FGD4: variants seen among roughly 807,000 people sequenced by gnomAD.
FGD4 encodes FYVE, RhoGEF and PH domain containing 4, also known as FYVE, RhoGEF and PH domain-containing protein 4.
In FGD4, 42 loss-of-function variants were observed where a neutral mutation model predicts 102.0. That is an observed-to-expected ratio of 0.41 (90% CI 0.32 to 0.53). The LOEUF (loss-of-function observed/expected upper bound fraction) is 0.53. FGD4 is among the 20% of genes least tolerant of loss of function. FGD4 has a pLI of 0.21. For synonymous variants in FGD4, 380 were observed against 375.7 expected (o/e 1.01, Z -0.13); for missense variants, 902 against 1,078.2 (o/e 0.84, Z 2.29).
intron 1 of FGD4, among the ~76,000 whole-genome samples, chr12:32,441,715 C>G (rs1342872017): frequency 6.6e-6 from 1 of 152,058 alleles, no homozygotes; most frequent in Non-Finnish European, 1.5e-5. Context: ...GGGCCTAGTT[C>G]AGCCCTAGGA....
In FGD4 at chr12:32,586,700, G is replaced by A. The variant is rs12299552; in HGVS notation, c.1011+4233G>A. Among the ~76,000 whole-genome samples the A allele has an allele frequency of 7.7e-3, 1,170 of 152,316 alleles. 17 individuals are homozygous for A. Among genetic ancestry groups the A allele is most frequent in the African/African-American group, 0.025 (1,046 of 41,566 alleles). On this transcript the variant is annotated intron_variant, in intron 4 of 16. Coordinates refer to ENST00000534526, the MANE Select transcript of FGD4 (RefSeq NM_001370298.3). ...GATGAAGCAGAGGGTGAGAGACAAG[G>A]AAGATTCTGAGGACCTTGTGGCTAG...
intron 11 of FGD4, among the ~76,000 whole-genome samples, chr12:32,620,520 C>CTTTCTTTCTTTCTTTTTT (rs1949747434): frequency 1.1e-5 from 1 of 91,136 alleles, no homozygotes; most frequent in African/African-American, 4.6e-5. Flanking sequence ...TTTTTTCTTT[C>CTTTCTTTCTTTCTTTTTT]TTTTTTTTTT....
At chr12:32,487,525 C>T (rs1943947001) in intron 1 of FGD4, among the ~76,000 whole-genome samples, 1 of 148,602 alleles carries the variant, frequency 6.7e-6, no homozygotes, top group African/African-American at 2.5e-5. Context: ...CCTCTGCCTC[C>T]TGGATTTCAG....
chr12:32,601,845 G>A (rs533904153), intron 6 of FGD4, among the ~76,000 whole-genome samples: 2 of 152,316 alleles, frequency 1.3e-5, no homozygotes, highest in East Asian at 3.9e-4. Flanking sequence ...GGTGGCTCAT[G>A]CCTATAATCC....
intron 1 of FGD4, among the ~76,000 whole-genome samples, chr12:32,490,071 C>T (rs1374896338): frequency 6.6e-6 from 1 of 152,088 alleles, no homozygotes; most frequent in Non-Finnish European, 1.5e-5. Flanking sequence ...TTTCCAGAAG[C>T]TTTACTATTT....
chr12:32,613,138 A>G (rs149908827), intron 10 of FGD4, among the ~76,000 whole-genome samples: 211 of 152,362 alleles, frequency 1.4e-3, no homozygotes, highest in African/African-American at 5.0e-3. Flanking sequence ...GGTGACTGGC[A>G]TACAGTACGT....
chr12:32,531,220 A>T (rs537449230), intron 1 of FGD4, among the ~76,000 whole-genome samples: 1 of 152,048 alleles, frequency 6.6e-6, no homozygotes, highest in South Asian at 2.1e-4. Flanking sequence ...AAGTGCTGGG[A>T]TTATAGCTGT....
intron 1 of FGD4, among the ~76,000 whole-genome samples, chr12:32,448,587 G>A (rs1942686241): frequency 1.3e-5 from 2 of 151,624 alleles, no homozygotes; most frequent in Non-Finnish European, 2.9e-5. Flanking sequence ...AACCCAGGAA[G>A]CAGAGGTTGC....
At chr12:32,609,379 G>T (rs551513996) in intron 8 of FGD4, among the ~76,000 whole-genome samples, 24 of 152,202 alleles carry the variant, frequency 1.6e-4, no homozygotes, top group African/African-American at 4.6e-4. Context: ...TTGAGTGGCA[G>T]ATCTAGTGGT....
intron 5 of FGD4, chr12:32,600,404 C>T (rs1327590184): frequency 3.9e-6 from 5 of 1,278,968 alleles, no homozygotes; most frequent in Non-Finnish European, 5.1e-6. Context: ...CTTTTTGCCT[C>T]TCAAGAAAAT....
chr12:32,605,295 A>G (rs1032756478), intron 7 of FGD4, among the ~76,000 whole-genome samples: 1 of 150,680 alleles, frequency 6.6e-6, no homozygotes, highest in Non-Finnish European at 1.5e-5. Context: ...CTGTAGCCAG[A>G]AGGTCTGCCT....
intron 1 of FGD4, among the ~76,000 whole-genome samples, chr12:32,551,720 A>G (rs1943684102): frequency 6.6e-6 from 1 of 152,204 alleles, no homozygotes; most frequent in South Asian, 2.1e-4. Context: ...CTAGCATTTG[A>G]GTTTTGATAC....
At chr12:32,595,162 TG>T (rs1947792922) in intron 4 of FGD4, among the ~76,000 whole-genome samples, 2 of 152,232 alleles carry the variant, frequency 1.3e-5, no homozygotes, top group South Asian at 4.1e-4. Context: ...AGGTGTCTTA[TG>T]TAATTACTAT....
Position 32,641,692 on chromosome 12 carries a change from C to T in FGD4, c.*1159C>T, listed in dbSNP as rs1319621737. ...ATGTTTTTCTTTTCCGTAAGATAAT[C>T]GAGCATGGTTAAATAAGGTCTCTAT... On this transcript the variant is annotated 3_prime_UTR_variant, in exon 17 of 17. Coordinates refer to ENST00000534526, the MANE Select transcript of FGD4 (RefSeq NM_001370298.3). The T allele has an allele frequency of 1.3e-5, 2 of 152,054 alleles. No individual in the cohort carries two copies. The highest frequency in any genetic ancestry group is 1.5e-5 in the Non-Finnish European group (1 of 67,988). 9.4% of individuals were successfully genotyped at this position (152,054 alleles called of 1,614,324 possible).
intron 1 of FGD4, among the ~76,000 whole-genome samples, chr12:32,505,849 G>A (rs1039674591): frequency 7.2e-5 from 11 of 151,804 alleles, no homozygotes; most frequent in Non-Finnish European, 1.3e-4. Flanking sequence ...CAGTTTACTC[G>A]TCCTGAACTC....
chr12:32,455,423 AG>A (rs1942922817), intron 1 of FGD4, among the ~76,000 whole-genome samples: 2 of 152,176 alleles, frequency 1.3e-5, no homozygotes, highest in Non-Finnish European at 2.9e-5. Flanking sequence ...TTAAACATAT[AG>A]TATAGATTTT....
chr12:32,640,465 G>C lies in FGD4; in HGVS notation c.2644G>C (p.Gly882Arg), dbSNP rs775920519. 1.4e-5 allele frequency: 23 copies of C among 1,614,032 alleles called. No homozygotes were observed. Among genetic ancestry groups the C allele is most frequent in the African/African-American group, 6.7e-5 (5 of 74,908 alleles). ...ILLAVTGETPGGPNEHPATLD... is the reference protein window; with the variant it reads ...ILLAVTGETPRGPNEHPATLD... ...TTTAGCTGTCACAGGTGAGACACCA[G>C]GTGGTCCAAATGAGCATCCAGCCAC... The change falls in exon 17 of 17, where the codon GGT becomes CGT. Residue 882 changes from glycine (G) to arginine (R), a missense_variant. Coordinates refer to ENST00000534526, the MANE Select transcript of FGD4 (RefSeq NM_001370298.3).
chr12:32,599,553 TTTTTTTTTTTTG>T (rs1480104533), intron 5 of FGD4, among the ~76,000 whole-genome samples: 4 of 62,328 alleles, frequency 6.4e-5, no homozygotes, highest in African/African-American at 1.0e-4. Flanking sequence ...TTTTTTTTTT[TTTTTTTTTTTTG>T]GAGATGGAGT....
chr12:32,545,553 A>T (rs1341289739), intron 1 of FGD4, among the ~76,000 whole-genome samples: 1 of 152,250 alleles, frequency 6.6e-6, no homozygotes, highest in Non-Finnish European at 1.5e-5. Flanking sequence ...CACATTATGT[A>T]AATGAATGAA....
Sources: allele counts gnomAD v4.1 joint callset (sites outside exome capture counted in the v4.1 genomes callset), GRCh38; gene constraint gnomAD v4.1.1; transcripts MANE v1.5; gene names NCBI Gene and HGNC (gene_info 2026-07-23, HGNC 2026-07-21).